Variants in TMEM266 observed in about 807,000 individuals in gnomAD.
TMEM266 encodes the protein Hv1 related protein 1.
Under a neutral mutation model 50.5 loss-of-function variants are expected in TMEM266, and 33 were observed. The observed-to-expected ratio is 0.65, with a 90% CI of 0.50 to 0.87. The LOEUF (loss-of-function observed/expected upper bound fraction) is 0.87, where lower values mean the gene tolerates loss of function less well. Ranked by LOEUF, TMEM266 falls within the 40% of genes least tolerant of loss-of-function variation. The pLI, the probability that TMEM266 is intolerant of heterozygous loss-of-function variation, is 0.00. For synonymous variants in TMEM266, 310 were observed against 292.3 expected (o/e 1.06, Z -0.62); for missense variants, 655 against 695.1 (o/e 0.94, Z 0.65).
At chr15:76,060,271 C>G (rs1192668520) in intron 1 of TMEM266, among the ~76,000 whole-genome samples, 1 of 152,000 alleles carries the variant, frequency 6.6e-6, no homozygotes, top group Non-Finnish European at 1.5e-5. Flanking sequence ...TGCAAACTGC[C>G]CTGGTTCGGG....
Position 76,203,827 on chromosome 15 carries a change from T to C in TMEM266, c.1108T>C (p.Ser370Pro). The C allele has an allele frequency of 6.2e-7, 1 of 1,614,158 alleles. No homozygotes were observed. The highest frequency in any genetic ancestry group is 8.5e-7 in the Non-Finnish European group (1 of 1,180,016). The change falls in exon 11 of 11, where the codon TCT becomes CCT. Residue 370 changes from serine to proline, a missense_variant. Ser to Pro is a moderately conservative substitution (Grantham distance 74, BLOSUM62 -1). Around this residue, in one of 3 missense-constraint regions of TMEM266, gnomAD observed 455 missense variants for 401.8 expected, o/e 1.13. Coordinates refer to ENST00000388942, the MANE Select transcript of TMEM266 (RefSeq NM_152335.3). ...GCCCAACATCTCCTCGGACCTCTTC[T>C]CTCTGGACATGCCCCTCAAACTCGG... is the stretch of plus-strand genomic sequence containing the variant.
chr15:76,149,175 G>T (rs529662291), intron 3 of TMEM266, among the ~76,000 whole-genome samples: 23 of 152,224 alleles, frequency 1.5e-4, no homozygotes, highest in Non-Finnish European at 2.6e-4. Flanking sequence ...TTGTAAAAGG[G>T]TGTCCCTGTA....
chr15:76,126,841 C>CT (rs927833121), intron 1 of TMEM266, among the ~76,000 whole-genome samples: 15 of 151,830 alleles, frequency 9.9e-5, no homozygotes, highest in Non-Finnish European at 1.5e-4. Flanking sequence ...TATGTAGAAT[C>CT]TTTTTTTTAA....
At chr15:76,202,023 C>A (rs1596176167) in intron 9 of TMEM266, among the ~76,000 whole-genome samples, 179 bp from the exon 10 acceptor site, 2 of 152,196 alleles carry the variant, frequency 1.3e-5, no homozygotes, top group African/African-American at 2.4e-5. Flanking sequence ...GCAGTCCAGC[C>A]CCTGGGGCAG....
At chr15:76,070,111 C>T (rs1398829185) in intron 1 of TMEM266, among the ~76,000 whole-genome samples, 1 of 152,126 alleles carries the variant, frequency 6.6e-6, no homozygotes, top group Non-Finnish European at 1.5e-5. Flanking sequence ...AGGCGGATAT[C>T]TTATTTTCCT....
chr15:76,060,094 G>C (rs1333459331), intron 1 of TMEM266, 78 bp downstream of exon 1: 2 of 146,814 alleles, frequency 1.4e-5, no homozygotes, highest in Non-Finnish European at 3.0e-5. Flanking sequence ...GGCGGGGGGT[G>C]GGGGGACCGG....
intron 1 of TMEM266, among the ~76,000 whole-genome samples, chr15:76,128,245 GATGA>G (rs1374361806): frequency 1.3e-5 from 2 of 152,354 alleles, no homozygotes; most frequent in Middle Eastern, 3.4e-3. Flanking sequence ...AGTAAGAGGT[GATGA>G]ACAGACCTGG....
At chr15:76,166,745 A>G (rs1224956007) in intron 5 of TMEM266, among the ~76,000 whole-genome samples, 1 of 152,192 alleles carries the variant, frequency 6.6e-6, no homozygotes, top group Non-Finnish European at 1.5e-5. Flanking sequence ...TGAGGATCCT[A>G]AAGGAGTCAG....
rs988679894 is a variant in TMEM266 at position 76,199,409 on chromosome 15, C to T, written c.959-2793C>T. Among the ~76,000 whole-genome samples the T allele has an allele frequency of 5.3e-5, 8 of 152,342 alleles. No homozygotes were observed. The South Asian group carries it at 1.4e-3, about 28-fold the overall frequency. On this transcript the variant is annotated intron_variant, in intron 9 of 10. Coordinates refer to ENST00000388942, the MANE Select transcript of TMEM266 (RefSeq NM_152335.3). ...GACTGAGCCAGGACTCAGGATGTCT[C>T]CAGCAGGCTGACCCTCTGGGCTGAG...
chr15:76,097,156 A>G (rs557572125), intron 1 of TMEM266, among the ~76,000 whole-genome samples: 4 of 152,088 alleles, frequency 2.6e-5, no homozygotes, highest in African/African-American at 7.2e-5. Context: ...TCCTGTCATT[A>G]TGATGCTAGC....
chr15:76,140,546 A>G (rs1444218587), intron 3 of TMEM266, among the ~76,000 whole-genome samples: 1 of 152,088 alleles, frequency 6.6e-6, no homozygotes, highest in Non-Finnish European at 1.5e-5. Context: ...GACCTCAGGG[A>G]CCCTGGCAGA....
At chr15:76,106,862 T>C (rs2037088921) in intron 1 of TMEM266, among the ~76,000 whole-genome samples, 1 of 152,230 alleles carries the variant, frequency 6.6e-6, no homozygotes. Context: ...ACTTAAACTC[T>C]AGTAATTTTC....
At position 76,165,647 on chromosome 15, in the gene TMEM266, G is replaced by A. The variant is rs190520554; in HGVS notation, c.457-4169G>A. Among the ~76,000 whole-genome samples the A allele has an allele frequency of 4.8e-3, 732 of 152,284 alleles. 12 individuals are homozygous for A. The highest frequency in any genetic ancestry group is 0.017 in the African/African-American group (689 of 41,572). Reference sequence around the variant, plus strand: ...GGCTGGGGCTATGGCTGGGGGTGGGGCAATCCCTCATCGTCACCCTGCTTT... The same window carrying A: ...GGCTGGGGCTATGGCTGGGGGTGGGACAATCCCTCATCGTCACCCTGCTTT... On this transcript the variant is annotated intron_variant, in intron 5 of 10. Coordinates refer to ENST00000388942, the MANE Select transcript of TMEM266 (RefSeq NM_152335.3).
chr15:76,119,178 C>T (rs886932765), intron 1 of TMEM266, among the ~76,000 whole-genome samples: 7 of 152,032 alleles, frequency 4.6e-5, no homozygotes, highest in South Asian at 2.1e-4. Context: ...TAATTAAAAG[C>T]GAATGACTCT....
intron 9 of TMEM266, among the ~76,000 whole-genome samples, 183 bp from the exon 10 acceptor site, chr15:76,202,019 C>A (rs2038755789): frequency 1.3e-5 from 2 of 152,200 alleles, no homozygotes; most frequent in Admixed American, 1.3e-4. Context: ...CAGTGCAGTC[C>A]AGCCCCTGGG....
rs146774075 is a variant in TMEM266, at chr15:76,085,175, G to A, written c.-97+25159G>A. ...AGGGTTTCACTGTGTTAGCCAGCAC[G>A]GTCTCTATCTCCTGACCTTGTGATC... On this transcript the variant is annotated intron_variant, in intron 1 of 10. Transcript: ENST00000388942. Among the ~76,000 whole-genome samples the A allele has an allele frequency of 7.6e-3, 1,146 of 151,292 alleles. 18 individuals carry two copies. The highest frequency in any genetic ancestry group is 0.026 in the African/African-American group (1,061 of 41,204).
At chr15:76,191,807 C>T in intron 8 of TMEM266, 161 bp from the exon 9 acceptor site, 1 of 666,922 alleles carries the variant, frequency 1.5e-6, no homozygotes, top group Non-Finnish European at 2.3e-6. Flanking sequence ...CTCTTGCGAA[C>T]CGCGATGCTG....
At chr15:76,188,840 G>A (rs527329319) in intron 8 of TMEM266, among the ~76,000 whole-genome samples, 2 of 152,244 alleles carry the variant, frequency 1.3e-5, no homozygotes, top group African/African-American at 4.8e-5. Context: ...AACCCCAATG[G>A]AATGATAGTA....
intron 8 of TMEM266, among the ~76,000 whole-genome samples, chr15:76,186,615 C>G (rs1482369477): frequency 6.6e-6 from 1 of 152,198 alleles, no homozygotes; most frequent in Non-Finnish European, 1.5e-5. Context: ...CGAGGTAATT[C>G]TCTTATCCCT....
Sources: allele counts gnomAD v4.1 joint callset (sites outside exome capture counted in the v4.1 genomes callset), GRCh38; gene constraint gnomAD v4.1.1; regional missense constraint gnomAD v4.1.1; transcripts MANE v1.5; gene names NCBI Gene and HGNC (gene_info 2026-07-23, HGNC 2026-07-21).